The following RFFL variants were observed in gnomAD, a reference collection of about 807,000 sequenced individuals.
The protein encoded by RFFL is ring finger and FYVE like domain containing E3 ubiquitin protein ligase.
Under a neutral mutation model 40.4 loss-of-function variants are expected in RFFL, and 16 were observed. The ratio of observed to expected loss-of-function variants is 0.40; its 90% confidence interval spans 0.27 to 0.60. The LOEUF (loss-of-function observed/expected upper bound fraction) is 0.60, where lower values mean the gene tolerates loss of function less well. RFFL is among the 20% of genes least tolerant of loss of function. RFFL has a pLI of 0.47. For synonymous variants in RFFL, 154 were observed against 167.9 expected, an observed-to-expected ratio of 0.92 and a Z score of 0.64; for missense variants, 367 against 451.7, an observed-to-expected ratio of 0.81 and a Z score of 1.70.
chr17:35,016,355 C>A lies in RFFL; in HGVS notation c.886+15G>T, dbSNP rs1245196555. ...TCCTGAGCTCTGTAAAGCTACCATG[C>A]AGATAGCCCCTCACCCAGGTGCTGG... On this transcript the variant is annotated intron_variant, in intron 5 of 6. Transcript: ENST00000394597. 1 of 1,607,936 alleles carries A rather than the reference C, an allele frequency of 6.2e-7. No homozygotes were observed. The highest frequency in any genetic ancestry group is 2.2e-5 in the East Asian group (1 of 44,868).
upstream of RFFL, among the ~76,000 whole-genome samples, chr17:35,064,081 T>C (rs1357087807): frequency 1.3e-5 from 2 of 152,226 alleles, no homozygotes; most frequent in South Asian, 2.1e-4. Context: ...AGGAGGCTGA[T>C]AAATAAGTCA....
At chr17:35,021,827 C>G in intron 2 of RFFL, 46 bp from the exon 3 acceptor site, 1 of 1,601,208 alleles carries the variant, frequency 6.2e-7, no homozygotes. Context: ...ATTGAGAGAA[C>G]AAGACAGAGA....
intron 1 of RFFL, among the ~76,000 whole-genome samples, chr17:35,060,388 G>C (rs1266538142): frequency 6.6e-6 from 1 of 152,170 alleles, no homozygotes; most frequent in East Asian, 1.9e-4. Context: ...ACCTGATAGA[G>C]TATATTTAAC....
At position 35,009,710 on chromosome 17, in the gene RFFL, T is replaced by A. The variant is rs1366604358; in HGVS notation, c.*2258A>T. On this transcript the variant is annotated 3_prime_UTR_variant, in exon 7 of 7. Transcript: ENST00000394597. Reference sequence around the variant, plus strand: ...CCTCAGTTTTAATTCTTACTGAGGTTACTAACCAGCTATCAGTATATTATT... The same window carrying A: ...CCTCAGTTTTAATTCTTACTGAGGTAACTAACCAGCTATCAGTATATTATT... 1 of 152,242 alleles carries A rather than the reference T, an allele frequency of 6.6e-6. No homozygotes were observed. The highest frequency in any genetic ancestry group is 2.4e-5 in the African/African-American group (1 of 41,442). The allele number at this position is 152,242 out of a possible 1,614,324, so 9.4% of individuals were successfully genotyped here.
In RFFL at chr17:35,025,517, T is replaced by TA. The variant is rs1425793259; in HGVS notation, c.180+856dup. On this transcript the variant is annotated intron_variant, in intron 2 of 6. Transcript: ENST00000394597. ...TAGCTATTGTGAGGATTAAATGAAA[T>TA]AAAAAAATTTAAATTCCTTAAACAG... 4.6e-5 allele frequency among the ~76,000 whole-genome samples: 7 copies of TA among 152,326 alleles called. No individual in the cohort carries two copies. In the East Asian group the frequency reaches 7.7e-4, roughly 17 times the overall value.
chr17:35,048,167 C>T (rs1470772397), intron 1 of RFFL, among the ~76,000 whole-genome samples: 4 of 151,922 alleles, frequency 2.6e-5, no homozygotes, highest in Non-Finnish European at 4.4e-5. Context: ...CTTTGGGAGG[C>T]CGAGGTGGGC....
chr17:35,008,046 C>T lies in RFFL; in HGVS notation c.*3922G>A, dbSNP rs2090908343. 6.6e-6 allele frequency: 1 copy of T among 152,216 alleles called. No individual in the cohort carries two copies. Among genetic ancestry groups the T allele is most frequent in the Non-Finnish European group, 1.5e-5 (1 of 68,074 alleles). The allele number at this position is 152,216 out of a possible 1,614,324, so 9.4% of individuals were successfully genotyped here. On this transcript the variant is annotated 3_prime_UTR_variant, in exon 7 of 7. Transcript: ENST00000394597. The stretch of plus-strand genomic sequence containing the variant: ...GTGAGCCATGGCGCCCAGCCTGGGC[C>T]AACCTTTTCTGAGCCATAGTCCAGC...
Position 35,021,587 on chromosome 17 carries a change from C to G in RFFL, c.375G>C (p.Glu125Asp). 6.2e-7 allele frequency: 1 copy of G among 1,614,222 alleles called. No homozygotes were observed. The highest frequency in any genetic ancestry group is 1.1e-5 in the South Asian group (1 of 91,086). The change falls in exon 3 of 7, where the codon GAG becomes GAC. Residue 125 changes from glutamate (E) to aspartate (D), a missense_variant. Transcript: ENST00000394597. The stretch of plus-strand genomic sequence containing the variant: ...GGACCAAGAGCACCAGCTCTTCTTT[C>G]TCCCGGCACATTTCGGTAGAGATGT... ...LHDISTEMCR[E>D]KEELVLLVLG... is the part of the protein sequence containing the mutation.
chr17:35,044,178 G>A (rs909764869), intron 1 of RFFL, among the ~76,000 whole-genome samples: 4 of 152,256 alleles, frequency 2.6e-5, no homozygotes, highest in Admixed American at 6.5e-5. Context: ...AGCCTTGAGC[G>A]ATCGTCCCAC....
At chr17:35,026,582 G>A in intron 1 of RFFL, 21 bp from the exon 2 acceptor site, 1 of 1,604,300 alleles carries the variant, frequency 6.2e-7, no homozygotes. Flanking sequence ...GGAGGAAAGG[G>A]GAAAAGGTCA....
Position 35,050,849 on chromosome 17 carries a change from A to G in RFFL, c.-9+12727T>C, listed in dbSNP as rs549214184. 1.3e-3 allele frequency among the ~76,000 whole-genome samples: 202 copies of G among 152,250 alleles called. 9 individuals carry two copies. The South Asian group carries it at 0.04, about 30-fold the overall frequency. On this transcript the variant is annotated intron_variant, in intron 1 of 6. Coordinates refer to ENST00000394597, the MANE Select transcript of RFFL (RefSeq NM_001017368.2). ...TTGCCAGGTGTGATGGCACATGCCT[A>G]TAATCCCAACTACTCTGGAGGTTGA...
chr17:35,020,947 T>C (rs2091004794), intron 3 of RFFL, among the ~76,000 whole-genome samples: 1 of 152,180 alleles, frequency 6.6e-6, no homozygotes, highest in South Asian at 2.1e-4. Flanking sequence ...ATATAGCCCT[T>C]TGCTTTCCTA....
rs1597808032 is a variant in RFFL at position 35,008,731 on chromosome 17, A to G, written c.*3237T>C. 1 of 151,992 alleles carries G rather than the reference A, an allele frequency of 6.6e-6. No homozygotes were observed. Among genetic ancestry groups the G allele is most frequent in the African/African-American group, 2.4e-5 (1 of 41,356 alleles). The allele number at this position is 151,992 out of a possible 1,614,324, so 9.4% of individuals were successfully genotyped here. On this transcript the variant is annotated 3_prime_UTR_variant, in exon 7 of 7. Transcript: ENST00000394597. ...ACTGCAAGCTCCGCCTCCCGGGTTC[A>G]CACCATTCTCCTGCCTCAGCCTCCC...
chr17:35,070,758 C>A (rs1251943459), intron 1 of RFFL, among the ~76,000 whole-genome samples: 3 of 152,132 alleles, frequency 2.0e-5, no homozygotes, highest in Non-Finnish European at 4.4e-5. Context: ...AGTCAGCAGA[C>A]CACTGTGACA....
chr17:35,036,747 A>G lies in RFFL; in HGVS notation c.-8-10186T>C, dbSNP rs1597823764. Among the ~76,000 whole-genome samples, 3 of 152,340 alleles carry G rather than the reference A, an allele frequency of 2.0e-5. No individual in the cohort carries two copies. In the East Asian group the frequency reaches 5.8e-4, roughly 29 times the overall value. On this transcript the variant is annotated intron_variant, in intron 1 of 6. Transcript: ENST00000394597. ...ATTACCTATTCCAGGTGGGCTTGGTACAGTCATAGTTAGAGGCAAGAGGGT... is the reference window on the plus strand; with the variant it reads ...ATTACCTATTCCAGGTGGGCTTGGTGCAGTCATAGTTAGAGGCAAGAGGGT...
At chr17:35,013,849 G>T (rs932448665) in intron 6 of RFFL, among the ~76,000 whole-genome samples, 1 of 152,186 alleles carries the variant, frequency 6.6e-6, no homozygotes, top group African/African-American at 2.4e-5. Flanking sequence ...GATGCTGGGG[G>T]GTTGGAGGGT....
intron 1 of RFFL, chr17:35,073,763 CCACACACAGACACACACGCACACA>C (rs2037535356): frequency 6.6e-6 from 1 of 151,674 alleles, no homozygotes; most frequent in Non-Finnish European, 1.5e-5. Context: ...CAGGAAGACC[CCACACACAGACACACACGCACACA>C]CACACACACA....
chr17:35,075,252 C>T (rs1363109450), intron 1 of RFFL, among the ~76,000 whole-genome samples: 1 of 152,202 alleles, frequency 6.6e-6, no homozygotes. Context: ...TTTCCATAAA[C>T]CTCTTATCCT....
chr17:35,052,734 G>GA lies in RFFL; in HGVS notation c.-9+10841dup, dbSNP rs561438797. ...CAGGGAACTGAACTAGATACTAGGA[G>GA]AAAGACAAAGGTCAACCAGACAGAT... On this transcript the variant is annotated intron_variant, in intron 1 of 6. Transcript: ENST00000394597. Among the ~76,000 whole-genome samples, 188 of 152,326 alleles carry GA rather than the reference G, an allele frequency of 1.2e-3. 1 individual carries two copies. The highest frequency in any genetic ancestry group is 6.8e-3 in the Middle Eastern group (2 of 294).
Sources: gnomAD v4.1 joint callset for allele counts (sites outside exome capture counted in the v4.1 genomes callset) on GRCh38, gnomAD v4.1.1 for gene constraint, MANE v1.5 for transcripts, NCBI Gene and HGNC (gene_info 2026-07-23, HGNC 2026-07-21) for gene names.